CDH23: variants seen among roughly 807,000 people sequenced by gnomAD.
The protein encoded by CDH23 is cadherin related 23.
A neutral mutation model predicts 317.1 loss-of-function variants in CDH23; 189 were observed. The observed-to-expected ratio is 0.60, with a 90% confidence interval of 0.53 to 0.67. CDH23 has a LOEUF of 0.67. Ranked by LOEUF, CDH23 falls within the 30% of genes least tolerant of loss-of-function variation. CDH23 has a pLI of 0.00. For synonymous variants in CDH23, 1,839 were observed against 1,876.8 expected (o/e 0.98, Z 0.52); for missense variants, 4,401 against 4,592.4 (o/e 0.96, Z 1.20).
chr10:71,553,137 G>A (rs186200878), intron 6 of CDH23, among the ~76,000 whole-genome samples: 1 of 152,150 alleles, frequency 6.6e-6, no homozygotes, highest in Non-Finnish European at 1.5e-5. Flanking sequence ...AGCTCCCCAG[G>A]TGATTCTAAT....
At chr10:71,645,079 TG>T (rs1381846051) in intron 12 of CDH23, among the ~76,000 whole-genome samples, 1 of 152,240 alleles carries the variant, frequency 6.6e-6, no homozygotes, top group African/African-American at 2.4e-5. Flanking sequence ...AGGTAGCATC[TG>T]AGGGGCTCTG....
chr10:71,643,969 C>T (rs1336749833), intron 12 of CDH23, 103 bp downstream of exon 12: 2 of 726,630 alleles, frequency 2.8e-6, no homozygotes, highest in African/African-American at 1.7e-5. Flanking sequence ...CTCCCCCACC[C>T]TCTCAGGCCC....
At chr10:71,661,005 A>G (rs1863624236) in intron 14 of CDH23, among the ~76,000 whole-genome samples, 1 of 152,162 alleles carries the variant, frequency 6.6e-6, no homozygotes, top group Non-Finnish European at 1.5e-5. Flanking sequence ...TATCCTCCCC[A>G]TTTTGTAGAT....
chr10:71,653,902 G>C lies in CDH23; in HGVS notation c.1449+7285G>C, dbSNP rs192215123. Among the ~76,000 whole-genome samples, 5 of 152,314 alleles carry C rather than the reference G, an allele frequency of 3.3e-5. No individual in the cohort carries two copies. The East Asian group carries it at 9.6e-4, about 29-fold the overall frequency. Reference sequence around the variant, plus strand: ...GGTAAATGGCAGGTGTCTTATCTGGGAGTCGGTGGAACTTCAGAGAGCATT... The same window carrying C: ...GGTAAATGGCAGGTGTCTTATCTGGCAGTCGGTGGAACTTCAGAGAGCATT... On this transcript the variant is annotated intron_variant, in intron 14 of 69. Coordinates refer to ENST00000224721, the MANE Select transcript of CDH23 (RefSeq NM_022124.6).
intron 1 of CDH23, among the ~76,000 whole-genome samples, chr10:71,412,912 T>G (rs544257876): frequency 2.8e-4 from 43 of 152,244 alleles, no homozygotes; most frequent in Non-Finnish European, 5.0e-4. Context: ...TTTACAGATA[T>G]GTTCACCGTC....
At chr10:71,624,372 C>T (rs72813972) in intron 11 of CDH23, among the ~76,000 whole-genome samples, 6,352 of 152,336 alleles carry the variant, frequency 0.042, 180 homozygotes, top group Non-Finnish European at 0.064. Context: ...CAGCCTGGGT[C>T]TGCCACTTGG....
intron 36 of CDH23, 110 bp downstream of exon 36, chr10:71,739,882 G>A (rs185689085): frequency 1.9e-5 from 24 of 1,271,446 alleles, no homozygotes; most frequent in South Asian, 6.5e-5. Context: ...GGTGGTCAGT[G>A]CCCCTGCTGT....
intron 6 of CDH23, among the ~76,000 whole-genome samples, chr10:71,562,782 C>T (rs1309778021): frequency 2.6e-5 from 4 of 152,238 alleles, no homozygotes; most frequent in South Asian, 4.1e-4. Flanking sequence ...TTTTCTCCTG[C>T]ACTGTGCTCT....
chr10:71,679,538 G>T (rs761144213), intron 17 of CDH23, 46 bp downstream of exon 17: 2 of 1,417,362 alleles, frequency 1.4e-6, no homozygotes, highest in South Asian at 2.4e-5. Context: ...GGAGGGCTGG[G>T]GGGCTCTCTG....
intron 53 of CDH23, 122 bp from the exon 54 acceptor site, chr10:71,802,776 A>T: frequency 9.7e-7 from 1 of 1,030,078 alleles, no homozygotes. Context: ...ATTAGAAGAC[A>T]TTACCTCCCT....
At chr10:71,611,077 C>G (rs568610744) in intron 9 of CDH23, among the ~76,000 whole-genome samples, 1 of 152,228 alleles carries the variant, frequency 6.6e-6, no homozygotes, top group South Asian at 2.1e-4. Flanking sequence ...GCCCCCCAGC[C>G]CCCCATGGGA....
At chr10:71,603,775 C>T (rs1860372718) in intron 9 of CDH23, among the ~76,000 whole-genome samples, 2 of 152,242 alleles carry the variant, frequency 1.3e-5, no homozygotes, top group Admixed American at 1.3e-4. Flanking sequence ...GTTCTAATCC[C>T]AGCATGGTCA....
intron 14 of CDH23, among the ~76,000 whole-genome samples, chr10:71,655,803 A>G (rs984733436): frequency 2.0e-5 from 3 of 152,016 alleles, no homozygotes; most frequent in African/African-American, 7.2e-5. Context: ...ATGGGGACAC[A>G]TGAGGCACAG....
chr10:71,534,808 G>A (rs1269305137), intron 6 of CDH23, among the ~76,000 whole-genome samples: 2 of 152,120 alleles, frequency 1.3e-5, no homozygotes, highest in East Asian at 1.9e-4. Flanking sequence ...CAGCCCCAAA[G>A]TATTGCTCCA....
chr10:71,454,533 G>T (rs541760493), intron 3 of CDH23, among the ~76,000 whole-genome samples: 1 of 152,250 alleles, frequency 6.6e-6, no homozygotes, highest in East Asian at 1.9e-4. Flanking sequence ...CTGTCCAGCC[G>T]GTCACTGCTG....
At chr10:71,755,507 C>A (rs771008959) in intron 38 of CDH23, 12 of 1,550,332 alleles carry the variant, frequency 7.7e-6, no homozygotes, top group Middle Eastern at 1.7e-4. Context: ...GCCCCATTCC[C>A]ATTGCTCCTC....
At chr10:71,742,003 G>C in intron 38 of CDH23, 82 bp downstream of exon 38, 1 of 1,145,336 alleles carries the variant, frequency 8.7e-7, no homozygotes, top group Non-Finnish European at 1.2e-6. Context: ...AGATGGGTGA[G>C]AATGGAATTC....
At chr10:71,724,372 A>G (rs1313585374) in intron 29 of CDH23, among the ~76,000 whole-genome samples, 3 of 152,148 alleles carry the variant, frequency 2.0e-5, no homozygotes, top group African/African-American at 7.2e-5. Flanking sequence ...GGCCTACTGC[A>G]ACCTCTGCCT....
intron 67 of CDH23, 64 bp downstream of exon 67, chr10:71,812,673 C>T: frequency 1.2e-6 from 2 of 1,612,500 alleles, no homozygotes; most frequent in South Asian, 2.2e-5. Context: ...TTTGCAACCT[C>T]TGGCCAAGAA....
Sources: allele counts gnomAD v4.1 joint callset (sites outside exome capture counted in the v4.1 genomes callset), GRCh38; gene constraint gnomAD v4.1.1; transcripts MANE v1.5; gene names NCBI Gene and HGNC (gene_info 2026-07-23, HGNC 2026-07-21).